The following ATG7 variants were observed in gnomAD, a reference collection of about 807,000 sequenced individuals.
The protein encoded by ATG7 is autophagy related 7.
A neutral mutation model predicts 82.4 loss-of-function variants in ATG7; 70 were observed. The ratio of observed to expected loss-of-function variants is 0.85; its 90% confidence interval spans 0.70 to 1.04. The LOEUF (loss-of-function observed/expected upper bound fraction) is 1.04, where lower values mean the gene tolerates loss of function less well. ATG7 is among the 50% of genes least tolerant of loss of function. The pLI, the probability that ATG7 is intolerant of heterozygous loss-of-function variation, is 0.00. For synonymous variants in ATG7, 287 were observed against 313.0 expected (o/e 0.92, Z 0.88); for missense variants, 792 against 864.3 (o/e 0.92, Z 1.05).
At chr3:11,431,885 T>C (rs745957535) in intron 20 of ATG7, among the ~76,000 whole-genome samples, 8 of 151,644 alleles carry the variant, frequency 5.3e-5, no homozygotes, top group Non-Finnish European at 1.0e-4. Flanking sequence ...TAGTAATGAA[T>C]TGGAAGCCAT....
intron 20 of ATG7, among the ~76,000 whole-genome samples, chr3:11,497,371 A>G (rs2090922925): frequency 3.6e-5 from 4 of 111,472 alleles, no homozygotes; most frequent in African/African-American, 1.3e-4. Flanking sequence ...ATATATATAT[A>G]TATATATATA....
intron 9 of ATG7, among the ~76,000 whole-genome samples, 155 bp downstream of exon 9, chr3:11,315,648 C>T (rs1463524406): frequency 6.6e-6 from 1 of 152,196 alleles, no homozygotes; most frequent in East Asian, 1.9e-4. Context: ...CCTCTCCCAC[C>T]CCTACAGTTA....
At chr3:11,427,892 G>C (rs2082515248) in intron 20 of ATG7, among the ~76,000 whole-genome samples, 1 of 152,132 alleles carries the variant, frequency 6.6e-6, no homozygotes, top group Non-Finnish European at 1.5e-5. Flanking sequence ...TATGGTGGTA[G>C]AGCTATTTGG....
chr3:11,503,755 C>CAAAA (rs34065629), intron 20 of ATG7, among the ~76,000 whole-genome samples: 40 of 76,892 alleles, frequency 5.2e-4, no homozygotes, highest in Non-Finnish European at 6.1e-4. Context: ...GACTCTGTCT[C>CAAAA]AAAAAAAAAA....
chr3:11,552,536 C>G (rs1575305875), intron 20 of ATG7, among the ~76,000 whole-genome samples: 1 of 152,106 alleles, frequency 6.6e-6, no homozygotes, highest in South Asian at 2.1e-4. Flanking sequence ...AGTCCCTGTT[C>G]TGGTTATTTC....
chr3:11,364,739 G>A lies in ATG7; in HGVS notation c.1875+5G>A, dbSNP rs1209825358. On this transcript the variant is annotated splice_donor_5th_base_variant and intron_variant, in intron 18 of 20. Transcript: ENST00000693202. ...CTTGGGCTTGTGCCTCACCAGGTTA[G>A]TGATGTGGAAGTGAAATCACAATTC... 6.2e-7 allele frequency: 1 copy of A among 1,613,922 alleles called. No individual in the cohort carries two copies. Among genetic ancestry groups the A allele is most frequent in the Non-Finnish European group, 8.5e-7 (1 of 1,179,902 alleles).
In ATG7 at chr3:11,364,927, G is replaced by A. The variant is rs537576171; in HGVS notation, c.1875+193G>A. ...CGGGATAGTGATGGGAGGAAATCACGAACGAGAAGCATTGCCCAGAGTCTT... is the reference window on the plus strand; with the variant it reads ...CGGGATAGTGATGGGAGGAAATCACAAACGAGAAGCATTGCCCAGAGTCTT... On this transcript the variant is annotated intron_variant, in intron 18 of 20. Coordinates refer to ENST00000693202, the MANE Select transcript of ATG7 (RefSeq NM_001349232.2). 1.4e-4 allele frequency among the ~76,000 whole-genome samples: 22 copies of A among 152,292 alleles called. 1 individual carries two copies. Among genetic ancestry groups the A allele is most frequent in the African/African-American group, 4.6e-4 (19 of 41,534 alleles).
intron 20 of ATG7, among the ~76,000 whole-genome samples, chr3:11,448,021 G>A (rs2084745575): frequency 6.6e-6 from 1 of 152,138 alleles, no homozygotes; most frequent in Non-Finnish European, 1.5e-5. Context: ...TTTTCTATCA[G>A]CAATTCATTA....
intron 20 of ATG7, among the ~76,000 whole-genome samples, chr3:11,475,996 T>C (rs1431650542): frequency 1.3e-5 from 2 of 152,054 alleles, no homozygotes; most frequent in South Asian, 4.1e-4. Context: ...AATGAACCCC[T>C]GCTGTGATTT....
chr3:11,414,438 C>A (rs1009112901), intron 19 of ATG7, among the ~76,000 whole-genome samples: 1 of 152,172 alleles, frequency 6.6e-6, no homozygotes, highest in African/African-American at 2.4e-5. Context: ...GTGTTAGTTC[C>A]AACAGTGTTT....
intron 19 of ATG7, among the ~76,000 whole-genome samples, chr3:11,391,101 C>T (rs1242002240): frequency 6.6e-6 from 1 of 152,102 alleles, no homozygotes; most frequent in Non-Finnish European, 1.5e-5. Context: ...GTGCCGTTCC[C>T]ATTTCCTTTC....
chr3:11,298,949 G>A, intron 4 of ATG7, 94 bp downstream of exon 4: 3 of 1,393,082 alleles, frequency 2.2e-6, no homozygotes, highest in East Asian at 4.6e-5. Flanking sequence ...AGACAGCCTT[G>A]TCTTTTATAA....
chr3:11,513,543 G>A (rs968073413), intron 20 of ATG7, among the ~76,000 whole-genome samples: 5 of 152,214 alleles, frequency 3.3e-5, no homozygotes, highest in African/African-American at 9.6e-5. Flanking sequence ...CCCAGTGCGG[G>A]GCCTGCCAAG....
In ATG7 at chr3:11,331,340, A is replaced by G. The variant is rs376215280; in HGVS notation, c.679A>G (p.Ile227Val). ...SDFFQGQRTK[I>V]TIGVYDPCNL... is the part of the protein sequence containing the mutation. ...CTCAGAAAGTCTTTTTTGTTCACAG[A>G]TAACAATTGGTGTATATGATCCCTG... Residue 227 changes from isoleucine (I) to valine (V), a missense_variant and splice_region_variant, in exon 10 of 21, where the codon ATA (isoleucine) becomes GTA (valine). Physicochemically the swap from Ile to Val is conservative, Grantham distance 29. Transcript: ENST00000693202. The G allele has an allele frequency of 3.5e-5, 57 of 1,609,600 alleles. No homozygotes were observed. The highest frequency in any genetic ancestry group is 2.1e-4 in the African/African-American group (16 of 74,830).
chr3:11,518,998 T>C (rs533734141), intron 20 of ATG7, among the ~76,000 whole-genome samples: 10 of 152,134 alleles, frequency 6.6e-5, no homozygotes, highest in Non-Finnish European at 1.5e-4. Context: ...AAAAATCTTA[T>C]ATAAGTAAAT....
At chr3:11,431,139 G>T (rs903739904) in intron 20 of ATG7, among the ~76,000 whole-genome samples, 3 of 152,198 alleles carry the variant, frequency 2.0e-5, no homozygotes, top group Non-Finnish European at 2.9e-5. Context: ...AGTGGCTCAC[G>T]CCTGTAATCC....
rs753400706 is a variant in ATG7, at chr3:11,347,924, C to T, written c.1173C>T (p.Ser391=). Residue 391 remains serine (S), a synonymous_variant, in exon 14 of 21, where the codon TCC becomes TCT. Transcript: ENST00000693202. ...CATTTGTGGACAATGCCAAGATCTC[C>T]TACTCCAATCCTGTGAGGCAGCCTC... ...HITFVDNAKI[S]YSNPVRQPLY... The T allele has an allele frequency of 1.9e-6, 3 of 1,614,180 alleles. No individual in the cohort carries two copies. The East Asian group carries it at 6.7e-5, about 36-fold the overall frequency.
intron 20 of ATG7, among the ~76,000 whole-genome samples, chr3:11,512,593 C>G (rs1348893660): frequency 6.6e-6 from 1 of 152,184 alleles, no homozygotes; most frequent in African/African-American, 2.4e-5. Flanking sequence ...TAAAGCGGCA[C>G]GTCTGGAGTT....
chr3:11,524,494 C>T (rs899389802), intron 20 of ATG7, among the ~76,000 whole-genome samples: 5 of 152,176 alleles, frequency 3.3e-5, no homozygotes, highest in African/African-American at 1.2e-4. Flanking sequence ...CACAGTGACT[C>T]ATACCTATAA....
Sources: gnomAD v4.1 joint callset for allele counts (sites outside exome capture counted in the v4.1 genomes callset) on GRCh38, gnomAD v4.1.1 for gene constraint, MANE v1.5 for transcripts, NCBI Gene and HGNC (gene_info 2026-07-23, HGNC 2026-07-21) for gene names.